Variants in NRXN3 observed in about 807,000 individuals in gnomAD.
The protein encoded by NRXN3 is neurexin III.
NRXN3 carries 32 observed loss-of-function variants against 137.6 expected under a neutral mutation model. The observed-to-expected ratio is 0.23, with a 90% confidence interval of 0.18 to 0.31. NRXN3 has a LOEUF of 0.31. Among genes scored for constraint, NRXN3 ranks in the 10% least tolerant of loss-of-function variants. The pLI is 1.00. For missense variants in NRXN3, 1,574 were observed against 2,062.5 expected (o/e 0.76, Z 4.59); for synonymous variants, 798 against 784.5 (o/e 1.02, Z -0.29).
intron 4 of NRXN3, among the ~76,000 whole-genome samples, chr14:78,628,689 A>G (rs1418347753): frequency 6.6e-6 from 1 of 152,194 alleles, no homozygotes; most frequent in Non-Finnish European, 1.5e-5. Context: ...TAATCTGGTT[A>G]TATTGGTAGT....
Position 78,938,590 on chromosome 14 carries a change from T to TA in NRXN3, c.2276-18652_2276-18651insA, listed in dbSNP as rs375132616. On this transcript the variant is annotated intron_variant, in intron 10 of 20. Coordinates refer to ENST00000335750, the MANE Select transcript of NRXN3 (RefSeq NM_001330195.2). ...TTTATTTGACATTAGGATTTTTTTTTCCCTCTAGGTGGTGTTTTCACTGAC... is the reference window on the plus strand; with the variant it reads ...TTTATTTGACATTAGGATTTTTTTTTACCCTCTAGGTGGTGTTTTCACTGAC... Among the ~76,000 whole-genome samples, 419 of 152,220 alleles carry TA rather than the reference T, an allele frequency of 2.8e-3. 1 individual carries two copies. The highest frequency in any genetic ancestry group is 9.7e-3 in the African/African-American group (403 of 41,516).
chr14:79,327,973 T>G (rs990938273), intron 15 of NRXN3, among the ~76,000 whole-genome samples: 2 of 152,184 alleles, frequency 1.3e-5, no homozygotes, highest in Admixed American at 6.5e-5. Context: ...CATGGTTGCT[T>G]TTCTCAAACA....
chr14:78,506,529 C>T (rs538847852), intron 4 of NRXN3, among the ~76,000 whole-genome samples: 4 of 152,052 alleles, frequency 2.6e-5, no homozygotes, highest in Non-Finnish European at 4.4e-5. Context: ...TACATTCCTA[C>T]CAACAGTATA....
At chr14:79,604,499 C>T (rs1024827012) in intron 16 of NRXN3, among the ~76,000 whole-genome samples, 19 of 150,066 alleles carry the variant, frequency 1.3e-4, no homozygotes, top group African/African-American at 4.2e-4. Context: ...CCTCCAAAAG[C>T]GGTAGGATTA....
intron 4 of NRXN3, among the ~76,000 whole-genome samples, chr14:78,560,792 T>C (rs969663039): frequency 6.6e-6 from 1 of 152,180 alleles, no homozygotes; most frequent in African/African-American, 2.4e-5. Flanking sequence ...TCCCTACCGC[T>C]TTTGGCTTTA....
intron 8 of NRXN3, among the ~76,000 whole-genome samples, chr14:78,768,340 C>T (rs936061097): frequency 6.6e-6 from 1 of 152,100 alleles, no homozygotes; most frequent in African/African-American, 2.4e-5. Context: ...TGTTCTTGGG[C>T]TCAATTTAAG....
At chr14:79,853,489 G>T in intron 20 of NRXN3, 2 of 1,078,760 alleles carry the variant, frequency 1.9e-6, no homozygotes, top group South Asian at 1.3e-5. Context: ...CCATAGATGG[G>T]CATGTGTAGG....
intron 2 of NRXN3, among the ~76,000 whole-genome samples, chr14:78,249,068 C>G (rs945577737): frequency 6.6e-6 from 1 of 152,240 alleles, no homozygotes; most frequent in Non-Finnish European, 1.5e-5. Context: ...AATTATCCCT[C>G]TTTTAACTGC....
chr14:78,343,333 CA>C (rs1293525245), intron 4 of NRXN3, among the ~76,000 whole-genome samples: 2 of 152,138 alleles, frequency 1.3e-5, no homozygotes, highest in African/African-American at 4.8e-5. Context: ...GAAAATGGCA[CA>C]AAACTGAATT....
intron 4 of NRXN3, among the ~76,000 whole-genome samples, chr14:78,344,576 G>A (rs1458943886): frequency 6.6e-6 from 1 of 152,196 alleles, no homozygotes; most frequent in African/African-American, 2.4e-5. Context: ...TGGCATTCAG[G>A]ATGGGGGAGC....
chr14:78,462,152 C>A (rs541820287), intron 4 of NRXN3, among the ~76,000 whole-genome samples: 1 of 152,266 alleles, frequency 6.6e-6, no homozygotes, highest in South Asian at 2.1e-4. Flanking sequence ...AGGAAGGAAG[C>A]CCGGCTTCCT....
At chr14:78,598,547 G>A (rs1473749947) in intron 4 of NRXN3, among the ~76,000 whole-genome samples, 2 of 152,166 alleles carry the variant, frequency 1.3e-5, no homozygotes, top group Non-Finnish European at 2.9e-5. Flanking sequence ...AGGCACCTGG[G>A]GTCTGCTCTC....
intron 15 of NRXN3, among the ~76,000 whole-genome samples, chr14:79,094,878 C>T (rs1036732807): frequency 6.8e-6 from 1 of 146,376 alleles, no homozygotes; most frequent in Non-Finnish European, 1.5e-5. Context: ...TTGACAATAT[C>T]GATGATTAAA....
intron 10 of NRXN3, among the ~76,000 whole-genome samples, chr14:78,899,082 C>T (rs1034599258): frequency 5.9e-5 from 9 of 151,804 alleles, no homozygotes; most frequent in African/African-American, 2.2e-4. Flanking sequence ...GGACTCTTTT[C>T]TCTAGGAAAT....
intron 15 of NRXN3, among the ~76,000 whole-genome samples, chr14:79,431,224 G>T (rs1463142831): frequency 1.3e-5 from 2 of 152,134 alleles, no homozygotes; most frequent in Non-Finnish European, 2.9e-5. Context: ...CAAATACCTG[G>T]CTCTAGCCCT....
intron 10 of NRXN3, among the ~76,000 whole-genome samples, chr14:78,875,976 G>T (rs1415033394): frequency 6.6e-6 from 1 of 152,194 alleles, no homozygotes; most frequent in South Asian, 2.1e-4. Flanking sequence ...CTCCTCTGGG[G>T]CCTCACAGCT....
intron 15 of NRXN3, among the ~76,000 whole-genome samples, chr14:79,096,704 A>C (rs528277157): frequency 6.6e-6 from 1 of 152,052 alleles, no homozygotes; most frequent in South Asian, 2.1e-4. Flanking sequence ...TACTTATTCC[A>C]GACTCCTGGC....
chr14:79,554,119 G>A (rs2097403621), intron 16 of NRXN3, among the ~76,000 whole-genome samples: 1 of 152,084 alleles, frequency 6.6e-6, no homozygotes, highest in African/African-American at 2.4e-5. Flanking sequence ...TGATCCAAAA[G>A]GTTGGAAGTT....
chr14:78,298,156 G>C (rs570126388), intron 4 of NRXN3, among the ~76,000 whole-genome samples: 1 of 152,240 alleles, frequency 6.6e-6, no homozygotes, highest in African/African-American at 2.4e-5. Flanking sequence ...CAGGCATGAC[G>C]GTGTCGATAA....
Sources: gnomAD v4.1 joint callset for allele counts (sites outside exome capture counted in the v4.1 genomes callset) on GRCh38, gnomAD v4.1.1 for gene constraint, MANE v1.5 for transcripts, NCBI Gene and HGNC (gene_info 2026-07-23, HGNC 2026-07-21) for gene names.